The following SLC7A5 variants were observed in gnomAD, a reference collection of about 807,000 sequenced individuals.
SLC7A5 encodes the protein solute carrier family 7 member 5.
In SLC7A5, 23 loss-of-function variants were observed where a neutral mutation model predicts 50.2. The ratio of observed to expected loss-of-function variants is 0.46; its 90% confidence interval spans 0.33 to 0.65. The LOEUF (loss-of-function observed/expected upper bound fraction) is 0.65, where lower values mean the gene tolerates loss of function less well. Among genes scored for constraint, SLC7A5 ranks in the 30% least tolerant of loss-of-function variants. The pLI is 0.02. For missense variants in SLC7A5, 578 were observed against 684.4 expected (o/e 0.84, Z 1.73); for synonymous variants, 393 against 330.6 (o/e 1.19, Z -2.05).
Position 87,841,068 on chromosome 16 carries a change from A to G in SLC7A5, c.752T>C (p.Leu251Pro). The G allele has an allele frequency of 2.5e-6, 4 of 1,613,366 alleles. No individual in the cohort carries two copies. The highest frequency in any genetic ancestry group is 1.3e-5 in the African/African-American group (1 of 75,016). ...GNIVLALYSG[L>P]FAYGGWNYLN... is the part of the protein sequence containing the mutation. The stretch of plus-strand genomic sequence containing the variant: ...AACCTACCATCCTCCATAGGCAAAG[A>G]GGCCGCTGTATAATGCCAGCACAAT... Residue 251 changes from leucine (L) to proline (P), a missense_variant, in exon 3 of 10, where the codon CTC becomes CCC. Physicochemically the swap from Leu to Pro is moderately conservative, Grantham distance 98. Coordinates refer to ENST00000261622, the MANE Select transcript of SLC7A5 (RefSeq NM_003486.7). This position sits in a 1 kb window ranked among gnomAD's most constrained non-coding sequence, Gnocchi z 4.8.
At chr16:87,842,731 G>C (rs779805359) in intron 2 of SLC7A5, among the ~76,000 whole-genome samples, 14 of 152,204 alleles carry the variant, frequency 9.2e-5, no homozygotes, top group Non-Finnish European at 1.3e-4. Flanking sequence ...GATCTCCTGA[G>C]AAGGAGCTCC....
rs563356304 is a variant in SLC7A5, at chr16:87,851,645, G to A, written c.664+79C>T. On this transcript the variant is annotated intron_variant, in intron 2 of 9. Transcript: ENST00000261622. Reference sequence around the variant, plus strand: ...AGCTGCGGACTGGGAGGCACCCGGGGACGGGACCTCATGCCCTGTGAAGGA... The same window carrying A: ...AGCTGCGGACTGGGAGGCACCCGGGAACGGGACCTCATGCCCTGTGAAGGA... 7.5e-5 allele frequency: 117 copies of A among 1,550,600 alleles called. No individual in the cohort carries two copies. The African/African-American group carries it at 1.5e-3, about 20-fold the overall frequency.
At chr16:87,840,119 T>C (rs1197280946) in intron 4 of SLC7A5, among the ~76,000 whole-genome samples, 1 of 152,206 alleles carries the variant, frequency 6.6e-6, no homozygotes, top group Non-Finnish European at 1.5e-5. Context: ...TCAGGCCACC[T>C]GGTCTGAATT....
intron 2 of SLC7A5, among the ~76,000 whole-genome samples, chr16:87,846,408 C>G (rs929874385): frequency 1.2e-4 from 18 of 152,384 alleles, no homozygotes; most frequent in Non-Finnish European, 2.5e-4. Context: ...GGGGCTTGCC[C>G]TATTTCCTGC....
rs2055245872 is a variant in SLC7A5 at position 87,852,607 on chromosome 16, T to G, written c.539-758A>C. Among the ~76,000 whole-genome samples, 1 of 150,276 alleles carries G rather than the reference T, an allele frequency of 6.7e-6. No homozygotes were observed. Among genetic ancestry groups the G allele is most frequent in the Admixed American group, 6.7e-5 (1 of 14,990 alleles). ...GTCTCCAGACACCAGCACGTCCTCC[T>G]GGGCCCTGTAAGGCACCCAGCTCTG... On this transcript the variant is annotated intron_variant, in intron 1 of 9. Transcript: ENST00000261622. The surrounding 1 kb of genome is among the most constrained non-coding windows in gnomAD (Gnocchi z 4.5).
At chr16:87,856,180 C>T (rs1887199487) in intron 1 of SLC7A5, among the ~76,000 whole-genome samples, 1 of 152,202 alleles carries the variant, frequency 6.6e-6, no homozygotes, top group African/African-American at 2.4e-5. Flanking sequence ...AGTGCTCCTG[C>T]CAGGCCCCCG....
At chr16:87,840,552 G>T in intron 3 of SLC7A5, 79 bp from the exon 4 acceptor site, 1 of 1,268,526 alleles carries the variant, frequency 7.9e-7, no homozygotes, top group Non-Finnish European at 1.2e-6. Flanking sequence ...GCATCCCAGG[G>T]CAGCTGGTGA....
chr16:87,836,328 C>T (rs2055002844), intron 8 of SLC7A5, among the ~76,000 whole-genome samples, 170 bp downstream of exon 8: 1 of 152,268 alleles, frequency 6.6e-6, no homozygotes, highest in African/African-American at 2.4e-5. Context: ...ACTTGGCACC[C>T]TCGTAGCTGG....
In SLC7A5 at chr16:87,869,490, C is replaced by G; in HGVS notation, c.-68G>C. 8.8e-7 allele frequency: 1 copy of G among 1,135,246 alleles called. No homozygotes were observed. Among genetic ancestry groups the G allele is most frequent in the African/African-American group, 1.6e-5 (1 of 61,054 alleles). The allele number at this position is 1,135,246 out of a possible 1,614,324, so 70.3% of individuals were successfully genotyped here. On this transcript the variant is annotated 5_prime_UTR_variant, in exon 1 of 10. Transcript: ENST00000261622. ...CCCAGCGAGCAGTGTGCGCGCCGCC[C>G]GCCGCCCGCAGCTGCGTCAGGAACC... is the stretch of plus-strand genomic sequence containing the variant.
In SLC7A5 at chr16:87,869,195, G is replaced by A. The variant is rs755737534; in HGVS notation, c.228C>T (p.Leu76=). ...CCAGCCCCGGCGAGCCTGCCTCCTT[G>A]AGCACGCCCGTGGGCGTCACGAAGA... ...SGIFVTPTGV[L]KEAGSPGLAL... The change falls in exon 1 of 10, where the codon CTC becomes CTT. Residue 76 remains leucine (L), a synonymous_variant. Transcript: ENST00000261622. 1 of 1,612,444 alleles carries A rather than the reference G, an allele frequency of 6.2e-7. No homozygotes were observed. Among genetic ancestry groups the A allele is most frequent in the Non-Finnish European group, 8.5e-7 (1 of 1,179,836 alleles).
chr16:87,867,368 T>C (rs1209972531), intron 1 of SLC7A5, among the ~76,000 whole-genome samples: 2 of 152,178 alleles, frequency 1.3e-5, no homozygotes, highest in South Asian at 4.1e-4. Context: ...AGTCATCCCC[T>C]ACATTCACAT....
Position 87,832,158 on chromosome 16 carries a change from C to T in SLC7A5, c.*812G>A, listed in dbSNP as rs2054942962. On this transcript the variant is annotated 3_prime_UTR_variant, in exon 10 of 10. Transcript: ENST00000261622. The surrounding 1 kb of genome is among the most constrained non-coding windows in gnomAD (Gnocchi z 4.6). ...TCTCTGTTTCTAGAAGACTGAAGGA[C>T]AGGGCTTTGTCTGCATGAACCAGAA... 1 of 152,280 alleles carries T rather than the reference C, an allele frequency of 6.6e-6. No individual in the cohort carries two copies. The highest frequency in any genetic ancestry group is 1.5e-5 in the Non-Finnish European group (1 of 68,100). The allele number at this position is 152,280 out of a possible 1,614,324, so 9.4% of individuals were successfully genotyped here. A position where few individuals can be genotyped will look rare whatever the true frequency, so the allele number is the denominator to read the frequency against.
At position 87,859,693 on chromosome 16, in the gene SLC7A5, C is replaced by A. The variant is rs1239844037; in HGVS notation, c.539-7844G>T. On this transcript the variant is annotated intron_variant, in intron 1 of 9. Coordinates refer to ENST00000261622, the MANE Select transcript of SLC7A5 (RefSeq NM_003486.7). Reference sequence around the variant, plus strand: ...CAGTGGCTCATGCCTGTAATCCCAGCACTTTGGGAGGCTGAGGTGGGCAGA... The same window carrying A: ...CAGTGGCTCATGCCTGTAATCCCAGAACTTTGGGAGGCTGAGGTGGGCAGA... 3.3e-5 allele frequency among the ~76,000 whole-genome samples: 5 copies of A among 152,152 alleles called. No homozygotes were observed. The East Asian group carries it at 5.8e-4, about 18-fold the overall frequency.
Position 87,869,454 on chromosome 16 carries a change from G to A in SLC7A5, c.-32C>T, listed in dbSNP as rs533962407. 26 of 1,348,484 alleles carry A rather than the reference G, an allele frequency of 1.9e-5. No individual in the cohort carries two copies. In the South Asian group the frequency reaches 3.3e-4, roughly 17 times the overall value. 83.5% of individuals were successfully genotyped at this position (1,348,484 alleles called of 1,614,324 possible). ...CGCACCGGCCGGGCCTGGGACACCC[G>A]GGAGCCGCGGCCCAGCGAGCAGTGT... On this transcript the variant is annotated 5_prime_UTR_variant, in exon 1 of 10. Transcript: ENST00000261622.
rs114696078 is a variant in SLC7A5, at chr16:87,830,327, G to C, written c.*2643C>G. ...GACAGCATCTTTAAATTAGTAAGAC[G>C]TTAGCACAAAACAAAAAAGCACAAC... On this transcript the variant is annotated 3_prime_UTR_variant, in exon 10 of 10. Transcript: ENST00000261622. The C allele has an allele frequency of 6.6e-6, 1 of 152,214 alleles. No individual in the cohort carries two copies. Among genetic ancestry groups the C allele is most frequent in the Admixed American group, 6.5e-5 (1 of 15,282 alleles). 9.4% of individuals were successfully genotyped at this position (152,214 alleles called of 1,614,324 possible). A position where few individuals can be genotyped will look rare whatever the true frequency, so the allele number is the denominator to read the frequency against.
Position 87,837,528 on chromosome 16 carries a change from T to A in SLC7A5, c.1140+317A>T, listed in dbSNP as rs2052738007. ...GGAAACTGTGTGTGATGCACCCCGC[T>A]GAGAAACGAACAGAGTGGGCGCCCA... On this transcript the variant is annotated intron_variant, in intron 7 of 9. Coordinates refer to ENST00000261622, the MANE Select transcript of SLC7A5 (RefSeq NM_003486.7). 3.5e-5 allele frequency: 14 copies of A among 401,132 alleles called. No individual in the cohort carries two copies. The Admixed American group carries it at 5.3e-4, about 15-fold the overall frequency. 24.8% of individuals were successfully genotyped at this position (401,132 alleles called of 1,614,324 possible). A position where few individuals can be genotyped will look rare whatever the true frequency, so the allele number is the denominator to read the frequency against.
rs1399585196 is a variant in SLC7A5 at position 87,830,676 on chromosome 16, C to T, written c.*2294G>A. 1 of 152,352 alleles carries T rather than the reference C, an allele frequency of 6.6e-6. No homozygotes were observed. The highest frequency in any genetic ancestry group is 6.5e-5 in the Admixed American group (1 of 15,296). 9.4% of individuals were successfully genotyped at this position (152,352 alleles called of 1,614,324 possible). Reference sequence around the variant, plus strand: ...CCAACCTTCTGCGGAGGAGCTCCCACCCCAGCTCAGACGCCCAGAAGAGAC... The same window carrying T: ...CCAACCTTCTGCGGAGGAGCTCCCATCCCAGCTCAGACGCCCAGAAGAGAC... On this transcript the variant is annotated 3_prime_UTR_variant, in exon 10 of 10. Transcript: ENST00000261622.
rs1172907737 is a variant in SLC7A5, at chr16:87,831,787, G to C, written c.*1183C>G. ...GCGAAAAAAATTCACGGGAACAACAGAAACAAGGGGTGCCCTAGTTCCCTC... is the reference window on the plus strand; with the variant it reads ...GCGAAAAAAATTCACGGGAACAACACAAACAAGGGGTGCCCTAGTTCCCTC... On this transcript the variant is annotated 3_prime_UTR_variant, in exon 10 of 10. Transcript: ENST00000261622. The C allele has an allele frequency of 6.6e-6, 1 of 152,332 alleles. No homozygotes were observed. The highest frequency in any genetic ancestry group is 2.4e-5 in the African/African-American group (1 of 41,472). 9.4% of individuals were successfully genotyped at this position (152,332 alleles called of 1,614,324 possible).
chr16:87,850,434 C>T (rs780268688), intron 2 of SLC7A5, among the ~76,000 whole-genome samples: 3 of 152,216 alleles, frequency 2.0e-5, no homozygotes, highest in Non-Finnish European at 4.4e-5. Flanking sequence ...TGGGGTCCTA[C>T]CTGCCTCCCC....
Sources: gnomAD v4.1 joint callset for allele counts (sites outside exome capture counted in the v4.1 genomes callset) on GRCh38, gnomAD v4.1.1 for gene constraint, Gnocchi (gnomAD v3.1) non-coding constraint, MANE v1.5 for transcripts, NCBI Gene and HGNC (gene_info 2026-07-23, HGNC 2026-07-21) for gene names.